Variants in TUBD1 observed in about 807,000 individuals in gnomAD.
The protein encoded by TUBD1 is tubulin delta chain.
Under a neutral mutation model 51.2 loss-of-function variants are expected in TUBD1, and 38 were observed. The ratio of observed to expected loss-of-function variants is 0.74; its 90% CI spans 0.57 to 0.97. TUBD1 has a LOEUF of 0.97. Ranked by LOEUF, TUBD1 falls within the 50% of genes least tolerant of loss-of-function variation. The probability of loss-of-function intolerance (pLI) is 0.00; values close to 1 mark genes in which losing one functional copy is unlikely to be tolerated. For synonymous variants in TUBD1, 169 were observed against 178.2 expected, an observed-to-expected ratio of 0.95 and a Z score of 0.41; for missense variants, 489 against 538.4, an observed-to-expected ratio of 0.91 and a Z score of 0.91.
At chr17:59,877,606 A>G (rs2144518094) in intron 5 of TUBD1, among the ~76,000 whole-genome samples, 1 of 152,212 alleles carries the variant, frequency 6.6e-6, no homozygotes, top group East Asian at 1.9e-4. Flanking sequence ...CGTCTCTACT[A>G]AAAATACAAA....
At chr17:59,892,410 G>A (rs1409386921) in intron 1 of TUBD1, among the ~76,000 whole-genome samples, 1 of 152,098 alleles carries the variant, frequency 6.6e-6, no homozygotes, top group Non-Finnish European at 1.5e-5. Context: ...AGAAACATTA[G>A]AGCAGTTCCT....
At position 59,881,042 on chromosome 17, in the gene TUBD1, C is replaced by T. The variant is rs776953098; in HGVS notation, c.389G>A (p.Cys130Tyr). The change falls in exon 4 of 9, where the codon TGT becomes TAT. Residue 130 changes from cysteine (C) to tyrosine (Y), a missense_variant. Transcript: ENST00000325752. Reference protein sequence around the residue: ...MNIIRKEVEKCDSFSGFFIIM... With the variant: ...MNIIRKEVEKYDSFSGFFIIM... ...GATGAAAAAACCACTGAAAGAGTCA[C>T]ATTTCTCCACTTCCTTCCGGATTAT... The T allele has an allele frequency of 9.9e-6, 16 of 1,614,072 alleles. No homozygotes were observed. The highest frequency in any genetic ancestry group is 1.1e-5 in the South Asian group (1 of 91,088).
In TUBD1 at chr17:59,860,217, C is replaced by A. The variant is rs1427064377; in HGVS notation, c.*105G>T. The A allele has an allele frequency of 2.4e-6, 2 of 827,186 alleles. No individual in the cohort carries two copies. Among genetic ancestry groups the A allele is most frequent in the Admixed American group, 5.5e-5 (2 of 36,414 alleles). The allele number at this position is 827,186 out of a possible 1,614,324, so 51.2% of individuals were successfully genotyped here. ...TTTTCTGGTAGAGACGGTGTTTCAC[C>A]GTGTTAGCCAGGATGGAGAACTTTG... On this transcript the variant is annotated 3_prime_UTR_variant, in exon 9 of 9. Transcript: ENST00000325752.
intron 5 of TUBD1, among the ~76,000 whole-genome samples, chr17:59,876,590 C>T (rs2040236614): frequency 6.6e-6 from 1 of 152,054 alleles, no homozygotes. Context: ...CTCCCAACCT[C>T]AGGTGATCTG....
At chr17:59,872,722 G>C (rs997812706) in intron 6 of TUBD1, among the ~76,000 whole-genome samples, 6 of 150,424 alleles carry the variant, frequency 4.0e-5, no homozygotes, top group African/African-American at 9.8e-5. Flanking sequence ...GTGTGTGTGT[G>C]TGTGTGTCTG....
intron 5 of TUBD1, among the ~76,000 whole-genome samples, chr17:59,874,948 C>T: frequency 6.6e-6 from 1 of 151,578 alleles, no homozygotes; most frequent in Non-Finnish European, 1.5e-5. Flanking sequence ...AAGCAAACTA[C>T]AATTTAGAAG....
Position 59,876,868 on chromosome 17 carries a change from C to CT in TUBD1, c.769+1234dup, listed in dbSNP as rs199804255. ...TTCAGCTACTCTTACCTTAACCATT[C>CT]TTTTTTTTTTTTTTAAATGGAGTCT... On this transcript the variant is annotated intron_variant, in intron 5 of 8. Coordinates refer to ENST00000325752, the MANE Select transcript of TUBD1 (RefSeq NM_016261.4). Among the ~76,000 whole-genome samples, 555 of 143,324 alleles carry CT rather than the reference C, an allele frequency of 3.9e-3. 1 individual carries two copies. Among genetic ancestry groups the CT allele is most frequent in the East Asian group, 0.023 (112 of 4,938 alleles). 94.0% of individuals were successfully genotyped at this position (143,324 alleles called of 152,430 possible).
At position 59,881,082 on chromosome 17, in the gene TUBD1, C is replaced by A; in HGVS notation, c.349G>T (p.Glu117Ter). 1.2e-6 allele frequency: 2 copies of A among 1,614,104 alleles called. No homozygotes were observed. Among genetic ancestry groups the A allele is most frequent in the Non-Finnish European group, 1.7e-6 (2 of 1,180,012 alleles). Reference sequence around the variant, plus strand: ...TTCCGGATTATGTTCATTATAGATTCTTCATGCCTGGGTCCATGAACAGAG... The same window carrying A: ...TTCCGGATTATGTTCATTATAGATTATTCATGCCTGGGTCCATGAACAGAG... The part of the protein sequence containing the change: ...GYSVHGPRHE[E>*]SIMNIIRKEV... The change falls in exon 4 of 9, where the codon GAA becomes TAA. Residue 117 changes from glutamate to a stop codon, truncating the protein, a stop_gained. Coordinates refer to ENST00000325752, the MANE Select transcript of TUBD1 (RefSeq NM_016261.4). LOFTEE classifies it high-confidence loss of function.
chr17:59,888,364 AGTG>A (rs1598578981), intron 2 of TUBD1, among the ~76,000 whole-genome samples: 1 of 152,198 alleles, frequency 6.6e-6, no homozygotes, highest in East Asian at 1.9e-4. Flanking sequence ...AAAGCAAGTC[AGTG>A]AAGGTGGAAA....
chr17:59,882,434 G>T (rs997016823), intron 3 of TUBD1, among the ~76,000 whole-genome samples: 6 of 151,302 alleles, frequency 4.0e-5, no homozygotes, highest in Non-Finnish European at 5.9e-5. Flanking sequence ...TTAAAGGTGC[G>T]CGCCACCACA....
intron 6 of TUBD1, among the ~76,000 whole-genome samples, chr17:59,872,028 G>A (rs922413735): frequency 2.0e-5 from 3 of 151,732 alleles, no homozygotes; most frequent in East Asian, 3.9e-4. Context: ...ATCTCAGCTC[G>A]CTGCAACCTC....
chr17:59,862,756 G>C (rs1354150829), intron 8 of TUBD1, among the ~76,000 whole-genome samples: 1 of 115,048 alleles, frequency 8.7e-6, no homozygotes, highest in Non-Finnish European at 1.6e-5. Context: ...ACGGAGTCTC[G>C]CTCTGTCGCC....
intron 2 of TUBD1, among the ~76,000 whole-genome samples, chr17:59,890,532 A>G (rs1176673448): frequency 2.6e-5 from 4 of 152,106 alleles, no homozygotes; most frequent in African/African-American, 9.7e-5. Context: ...GTGAGCCACC[A>G]CGCCCAGCCA....
chr17:59,862,797 T>C (rs1037395294), intron 8 of TUBD1, among the ~76,000 whole-genome samples: 6 of 139,678 alleles, frequency 4.3e-5, no homozygotes, highest in African/African-American at 1.6e-4. Context: ...CGATCTCGGC[T>C]CACTGCAAGC....
chr17:59,890,104 C>A (rs1036120418), intron 2 of TUBD1, among the ~76,000 whole-genome samples: 1 of 151,602 alleles, frequency 6.6e-6, no homozygotes, highest in Non-Finnish European at 1.5e-5. Flanking sequence ...GTAGTAAGAA[C>A]CTGTCTCTAC....
chr17:59,869,416 A>C (rs1289903597), intron 6 of TUBD1, among the ~76,000 whole-genome samples: 1 of 151,780 alleles, frequency 6.6e-6, no homozygotes, highest in Non-Finnish European at 1.5e-5. Context: ...CAGCGGTTGC[A>C]GTGAGCCAAG....
intron 2 of TUBD1, among the ~76,000 whole-genome samples, chr17:59,888,455 C>G (rs1249239604): frequency 2.6e-5 from 4 of 152,140 alleles, no homozygotes; most frequent in African/African-American, 9.7e-5. Flanking sequence ...AGCAAGAGCA[C>G]AAGGAACAAT....
intron 6 of TUBD1, among the ~76,000 whole-genome samples, chr17:59,869,737 C>T (rs114785468): frequency 1.0e-3 from 153 of 152,096 alleles, no homozygotes; most frequent in African/African-American, 3.4e-3. Flanking sequence ...ATCTAAAATC[C>T]GTAAGATATT....
Position 59,890,854 on chromosome 17 carries a change from A to G in TUBD1, c.149T>C (p.Phe50Ser). The change falls in exon 2 of 9, where the codon TTC (phenylalanine) becomes TCC (serine). Residue 50 changes from phenylalanine to serine, a missense_variant. Transcript: ENST00000325752. ...EAYQASCKER[F>S]FSEEENGVPI... is the part of the protein sequence containing the mutation. ...ACCTCCATTCTCCTCCTCACTGAAG[A>G]ATCTTTCTTTGCAAGATGCTTGATA... 6.2e-7 allele frequency: 1 copy of G among 1,613,426 alleles called. No homozygotes were observed. The highest frequency in any genetic ancestry group is 8.5e-7 in the Non-Finnish European group (1 of 1,179,680).
Sources: gnomAD v4.1 joint callset for allele counts (sites outside exome capture counted in the v4.1 genomes callset) on GRCh38, gnomAD v4.1.1 for gene constraint, MANE v1.5 for transcripts, NCBI Gene and HGNC (gene_info 2026-07-23, HGNC 2026-07-21) for gene names.